WWOX: variants seen among roughly 807,000 people sequenced by gnomAD.
WWOX encodes WW domain-containing oxidoreductase.
A neutral mutation model predicts 46.2 loss-of-function variants in WWOX; 69 were observed. That is an observed-to-expected ratio of 1.49 (90% CI 1.23 to 1.82). The LOEUF (loss-of-function observed/expected upper bound fraction) is 1.82, where lower values mean the gene tolerates loss of function less well. Among genes scored for constraint, WWOX ranks in the 40% most tolerant of loss-of-function variants. The pLI, the probability that WWOX is intolerant of heterozygous loss-of-function variation, is 0.00. For synonymous variants in WWOX, 359 were observed against 202.6 expected (o/e 1.77, Z -6.56); for missense variants, 919 against 542.6 (o/e 1.69, Z -6.89).
intron 8 of WWOX, among the ~76,000 whole-genome samples, chr16:78,479,095 A>G (rs2084425653): frequency 6.6e-6 from 1 of 152,098 alleles, no homozygotes; most frequent in Non-Finnish European, 1.5e-5. Context: ...GTTTTCCTGA[A>G]TGTAGGAGTA....
At chr16:78,750,650 C>T (rs942123402) in intron 8 of WWOX, among the ~76,000 whole-genome samples, 4 of 151,950 alleles carry the variant, frequency 2.6e-5, no homozygotes, top group African/African-American at 9.7e-5. Context: ...CCTCCCTAGT[C>T]CCCCCTTTTG....
At chr16:78,684,168 A>T (rs536483230) in intron 8 of WWOX, among the ~76,000 whole-genome samples, 3 of 152,202 alleles carry the variant, frequency 2.0e-5, no homozygotes, top group Admixed American at 1.3e-4. Flanking sequence ...TGGTTTCCCA[A>T]TTCCCTAGCG....
At chr16:78,166,657 C>G (rs2034985491) in intron 5 of WWOX, 1 of 151,906 alleles carries the variant, frequency 6.6e-6, no homozygotes, top group Non-Finnish European at 1.5e-5. Flanking sequence ...CTCCTGCGTT[C>G]AAGCAATTCT....
At chr16:78,609,820 T>G (rs1567434078) in intron 8 of WWOX, among the ~76,000 whole-genome samples, 1 of 152,248 alleles carries the variant, frequency 6.6e-6, no homozygotes, top group Non-Finnish European at 1.5e-5. Context: ...TATCTGCTAA[T>G]CCCTGTGATT....
At chr16:79,083,349 G>C (rs943397486) in intron 8 of WWOX, among the ~76,000 whole-genome samples, 8 of 152,138 alleles carry the variant, frequency 5.3e-5, no homozygotes, top group African/African-American at 1.9e-4. Context: ...AATTAAGGAA[G>C]CAATGTTCAG....
At chr16:78,102,565 T>C (rs1231686325) in intron 1 of WWOX, among the ~76,000 whole-genome samples, 1 of 152,242 alleles carries the variant, frequency 6.6e-6, no homozygotes, top group East Asian at 1.9e-4. Context: ...GCTGTTCCTC[T>C]CACCTGTACA....
intron 8 of WWOX, among the ~76,000 whole-genome samples, chr16:79,054,433 A>G (rs1427367169): frequency 1.3e-5 from 2 of 152,314 alleles, no homozygotes; most frequent in South Asian, 4.1e-4. Flanking sequence ...CCATTTCAAG[A>G]TGACAACAGG....
intron 8 of WWOX, among the ~76,000 whole-genome samples, chr16:78,469,803 C>T (rs1018093826): frequency 3.9e-5 from 6 of 152,154 alleles, no homozygotes; most frequent in Non-Finnish European, 7.3e-5. Context: ...CAGTGCTAGC[C>T]AGCCACAGGG....
intron 8 of WWOX, among the ~76,000 whole-genome samples, chr16:78,983,007 T>C (rs538247130): frequency 4.6e-5 from 7 of 152,298 alleles, no homozygotes; most frequent in South Asian, 2.1e-4. Context: ...GGCTGCAGTG[T>C]AATATATTCC....
chr16:78,346,980 C>G (rs561623143), intron 5 of WWOX, among the ~76,000 whole-genome samples: 1 of 119,748 alleles, frequency 8.4e-6, no homozygotes, highest in East Asian at 1.9e-4. Flanking sequence ...CTGCCTCGGC[C>G]TCCCAAAGTG....
chr16:78,877,983 A>T (rs1000999387), intron 8 of WWOX, among the ~76,000 whole-genome samples: 1 of 152,238 alleles, frequency 6.6e-6, no homozygotes, highest in Non-Finnish European at 1.5e-5. Flanking sequence ...TTTACAGGTC[A>T]GATGATTTTG....
intron 8 of WWOX, among the ~76,000 whole-genome samples, chr16:78,802,202 GTTTTTT>G (rs60554747): frequency 3.1e-5 from 3 of 96,782 alleles, no homozygotes; most frequent in African/African-American, 7.6e-5. Context: ...GTTTGTTTAG[GTTTTTT>G]TTTTTTTTTT....
chr16:78,234,490 G>A (rs1410424150), intron 5 of WWOX, among the ~76,000 whole-genome samples: 1 of 152,130 alleles, frequency 6.6e-6, no homozygotes, highest in Non-Finnish European at 1.5e-5. Flanking sequence ...GAGCTTACAA[G>A]TTATTCAACA....
intron 8 of WWOX, among the ~76,000 whole-genome samples, chr16:78,550,340 C>G (rs1441463671): frequency 1.3e-5 from 2 of 152,132 alleles, no homozygotes; most frequent in Non-Finnish European, 2.9e-5. Flanking sequence ...TACAAGGTAC[C>G]TATCACAACT....
intron 8 of WWOX, among the ~76,000 whole-genome samples, chr16:79,068,840 A>ATAC (rs2048492770): frequency 6.7e-6 from 1 of 148,392 alleles, no homozygotes; most frequent in South Asian, 2.1e-4. Flanking sequence ...AATAATAATA[A>ATAC]TAATAATAAT....
At chr16:78,767,118 TTTCC>T (rs1211069427) in intron 8 of WWOX, among the ~76,000 whole-genome samples, 2 of 132,360 alleles carry the variant, frequency 1.5e-5, no homozygotes, top group African/African-American at 2.8e-5. Context: ...TCCTTCCTTC[TTTCC>T]TTCCTTCCTT....
At chr16:78,137,559 T>G (rs1341541484) in intron 4 of WWOX, among the ~76,000 whole-genome samples, 1 of 152,168 alleles carries the variant, frequency 6.6e-6, no homozygotes, top group Admixed American at 6.5e-5. Context: ...GATGACTTCA[T>G]ATATATGCCG....
chr16:78,594,936 C>G (rs1484534361), intron 8 of WWOX, among the ~76,000 whole-genome samples: 1 of 152,200 alleles, frequency 6.6e-6, no homozygotes, highest in Non-Finnish European at 1.5e-5. Context: ...AAGGGCCTGT[C>G]TCTCAGGAAA....
At chr16:78,319,181 A>G (rs966540604) in intron 5 of WWOX, among the ~76,000 whole-genome samples, 1 of 152,178 alleles carries the variant, frequency 6.6e-6, no homozygotes, top group Non-Finnish European at 1.5e-5. Context: ...GGAGGCGGGC[A>G]TGAGCCACAG....
Sources: gnomAD v4.1 joint callset for allele counts (sites outside exome capture counted in the v4.1 genomes callset) on GRCh38, gnomAD v4.1.1 for gene constraint, MANE v1.5 for transcripts, NCBI Gene and HGNC (gene_info 2026-07-23, HGNC 2026-07-21) for gene names.